The following CFAP97 variants were observed in gnomAD, a reference collection of about 807,000 sequenced individuals.
The protein encoded by CFAP97 is cilia and flagella associated protein 97, also known as cilia- and flagella-associated protein 97.
Under a neutral mutation model 43.1 loss-of-function variants are expected in CFAP97, and 36 were observed. The observed-to-expected ratio is 0.84, with a 90% CI of 0.64 to 1.10. The LOEUF (loss-of-function observed/expected upper bound fraction) is 1.10, where lower values mean the gene tolerates loss of function less well. Ranked by LOEUF, CFAP97 falls within the 50% of genes least tolerant of loss-of-function variation. The pLI is 0.00. For missense variants in CFAP97, 657 were observed against 620.3 expected (o/e 1.06, Z -0.63); for synonymous variants, 228 against 225.7 (o/e 1.01, Z -0.09).
At chr4:185,178,330 C>A (rs575393695) in intron 2 of CFAP97, among the ~76,000 whole-genome samples, 4 of 148,720 alleles carry the variant, frequency 2.7e-5, no homozygotes, top group Admixed American at 6.8e-5. Flanking sequence ...TCACTGCAAC[C>A]TCTGCCTCCC....
intron 3 of CFAP97, 47 bp from the exon 4 acceptor site, chr4:185,164,226 A>T (rs745361469): frequency 6.4e-7 from 1 of 1,565,740 alleles, no homozygotes; most frequent in Admixed American, 1.8e-5. Flanking sequence ...AACAGCAATC[A>T]TTTTTAACAA....
At chr4:185,204,992 T>G (rs1560881518), upstream of CFAP97, among the ~76,000 whole-genome samples, 2 of 152,266 alleles carry the variant, frequency 1.3e-5, no homozygotes, top group Non-Finnish European at 2.9e-5. Flanking sequence ...ATCCAGTAGT[T>G]AATAAATATT....
chr4:185,167,849 A>AG (rs774480763), intron 3 of CFAP97, among the ~76,000 whole-genome samples: 159 of 145,996 alleles, frequency 1.1e-3, no homozygotes, highest in Non-Finnish European at 1.8e-3. Context: ...ACAAAAAAAA[A>AG]TTAGCCCAGT....
chr4:185,177,558 G>C (rs1240949577), intron 2 of CFAP97, among the ~76,000 whole-genome samples: 1 of 152,104 alleles, frequency 6.6e-6, no homozygotes, highest in Non-Finnish European at 1.5e-5. Flanking sequence ...GTATGGGCCA[G>C]GCACAGTGGC....
At chr4:185,183,885 A>G (rs377159671) in intron 2 of CFAP97, among the ~76,000 whole-genome samples, 1 of 152,154 alleles carries the variant, frequency 6.6e-6, no homozygotes, top group African/African-American at 2.4e-5. Context: ...CTTCCCTTCT[A>G]CATTTTAGCT....
At chr4:185,184,343 C>T (rs908742373) in intron 2 of CFAP97, among the ~76,000 whole-genome samples, 2 of 152,184 alleles carry the variant, frequency 1.3e-5, no homozygotes, top group East Asian at 1.9e-4. Flanking sequence ...CCAGGGTGAG[C>T]CTGCTTGGCC....
At chr4:185,165,072 C>G (rs190363697) in intron 3 of CFAP97, among the ~76,000 whole-genome samples, 180 of 152,314 alleles carry the variant, frequency 1.2e-3, no homozygotes, top group Non-Finnish European at 2.2e-3. Context: ...ACTAAAGATT[C>G]TGCATAACAT....
intron 3 of CFAP97, chr4:185,169,617 A>C (rs1235548435): frequency 1.0e-6 from 1 of 984,618 alleles, no homozygotes; most frequent in Non-Finnish European, 1.2e-6. Context: ...CTTTGGAAAA[A>C]AAATTAACCT....
intron 2 of CFAP97, among the ~76,000 whole-genome samples, chr4:185,184,831 T>C (rs575505788): frequency 6.6e-6 from 1 of 152,362 alleles, no homozygotes; most frequent in East Asian, 1.9e-4. Flanking sequence ...GAGTTGAGTG[T>C]TTTCTTCCTG....
rs1156540398 is a variant in CFAP97 at position 185,162,533 on chromosome 4, GAATA to G, written c.*261_*264del. The G allele has an allele frequency of 2.5e-6, 1 of 402,990 alleles. No homozygotes were observed. The highest frequency in any genetic ancestry group is 4.5e-6 in the Non-Finnish European group (1 of 221,496). 25.0% of individuals were successfully genotyped at this position (402,990 alleles called of 1,614,324 possible). A position where few individuals can be genotyped will look rare whatever the true frequency, so the allele number is the denominator to read the frequency against. On this transcript the variant is annotated 3_prime_UTR_variant, in exon 5 of 5. Transcript: ENST00000458385. ...CTACTATTTTGACAGCATGACAACT[GAATA>G]ATTAGAAGATACACATGCATACCAC...
chr4:185,168,217 T>C (rs771636839), intron 3 of CFAP97, among the ~76,000 whole-genome samples: 2 of 151,932 alleles, frequency 1.3e-5, no homozygotes, highest in East Asian at 1.9e-4. Context: ...ACAATAAGAA[T>C]GGTAATGTAC....
intron 2 of CFAP97, among the ~76,000 whole-genome samples, chr4:185,185,633 CTTTT>C (rs376786641): frequency 1.9e-5 from 2 of 105,946 alleles, no homozygotes; most frequent in Non-Finnish European, 1.8e-5. Context: ...ATTTGCCAAC[CTTTT>C]TTTTTTTTTT....
At chr4:185,192,865 CGAGTAGCTG>C (rs1736349924) in intron 1 of CFAP97, among the ~76,000 whole-genome samples, 1 of 151,192 alleles carries the variant, frequency 6.6e-6, no homozygotes, top group African/African-American at 2.4e-5. Context: ...CTCAGCCTCC[CGAGTAGCTG>C]GGACTACAGG....
chr4:185,205,061 G>A (rs1418697697), upstream of CFAP97, among the ~76,000 whole-genome samples: 1 of 152,190 alleles, frequency 6.6e-6, no homozygotes, highest in African/African-American at 2.4e-5. Flanking sequence ...CCTGTCCCGG[G>A]GAGTTCCAGT....
chr4:185,196,912 C>T (rs3112878), intron 1 of CFAP97, among the ~76,000 whole-genome samples: 76,565 of 151,638 alleles, frequency 0.5, 19,546 homozygotes, highest in East Asian at 0.6. Flanking sequence ...CCAGCCTGGC[C>T]AACGTGGTGA....
intron 2 of CFAP97, among the ~76,000 whole-genome samples, chr4:185,185,049 G>C (rs1321211019): frequency 6.6e-6 from 1 of 152,114 alleles, no homozygotes; most frequent in Admixed American, 6.5e-5. Flanking sequence ...TAGACATATT[G>C]AACATTTTAA....
chr4:185,184,415 G>A (rs1242954763), intron 2 of CFAP97, among the ~76,000 whole-genome samples: 1 of 152,118 alleles, frequency 6.6e-6, no homozygotes, highest in Non-Finnish European at 1.5e-5. Flanking sequence ...ACCAGTTCTG[G>A]GCAAGGAGAC....
intron 1 of CFAP97, among the ~76,000 whole-genome samples, chr4:185,198,666 G>A (rs1274077515): frequency 6.6e-6 from 1 of 151,970 alleles, no homozygotes; most frequent in Non-Finnish European, 1.5e-5. Flanking sequence ...GCGCATGCCT[G>A]TAATCCCAGC....
chr4:185,170,090 G>A lies in CFAP97; in HGVS notation c.1320+5696C>T, dbSNP rs967139818. 6 of 1,208,680 alleles carry A rather than the reference G, an allele frequency of 5.0e-6. No individual in the cohort carries two copies. In the South Asian group the frequency reaches 1.2e-4, roughly 25 times the overall value. 74.9% of individuals were successfully genotyped at this position (1,208,680 alleles called of 1,614,324 possible). A position where few individuals can be genotyped will look rare whatever the true frequency, so the allele number is the denominator to read the frequency against. ...AGGCCAGGCACAGTGGCTCACACCT[G>A]TAATCCTTGCTCTTTGGGAAGCTGA... On this transcript the variant is annotated intron_variant, in intron 3 of 4. Coordinates refer to ENST00000458385, the MANE Select transcript of CFAP97 (RefSeq NM_020827.3).
Sources: allele counts gnomAD v4.1 joint callset (sites outside exome capture counted in the v4.1 genomes callset), GRCh38; gene constraint gnomAD v4.1.1; transcripts MANE v1.5; gene names NCBI Gene and HGNC (gene_info 2026-07-23, HGNC 2026-07-21).